The following DPP6 variants were observed in gnomAD, a reference collection of about 807,000 sequenced individuals.
DPP6 encodes A-type potassium channel modulatory protein DPP6.
Under a neutral mutation model 122.6 loss-of-function variants are expected in DPP6, and 69 were observed. The ratio of observed to expected loss-of-function variants is 0.56; its 90% CI spans 0.46 to 0.69. The LOEUF is 0.69. Among genes scored for constraint, DPP6 ranks in the 30% least tolerant of loss-of-function variants. The probability of loss-of-function intolerance (pLI) is 0.00; values close to 1 mark genes in which losing one functional copy is unlikely to be tolerated. For missense variants in DPP6, 928 were observed against 1,116.9 expected, an observed-to-expected ratio of 0.83 and a Z score of 2.41; for synonymous variants, 418 against 433.1, an observed-to-expected ratio of 0.97 and a Z score of 0.43.
chr7:154,144,363 G>C (rs540833915), intron 1 of DPP6, among the ~76,000 whole-genome samples: 1 of 150,428 alleles, frequency 6.6e-6, no homozygotes, highest in Non-Finnish European at 1.5e-5. Context: ...TTTGATTTAT[G>C]GTATTTTGTG....
chr7:153,981,479 G>T (rs944705300), intron 1 of DPP6, among the ~76,000 whole-genome samples: 1 of 152,112 alleles, frequency 6.6e-6, no homozygotes, highest in Admixed American at 6.6e-5. Flanking sequence ...ATACCAGTGG[G>T]TCTTGACTCT....
chr7:153,759,671 T>C, the DPP6 span, among the ~76,000 whole-genome samples: 1 of 151,942 alleles, frequency 6.6e-6, no homozygotes, highest in African/African-American at 2.4e-5. Context: ...TGGATAACCA[T>C]ATGTGAAAAA....
chr7:154,054,570 G>T (rs4725520), intron 1 of DPP6, among the ~76,000 whole-genome samples: 1 of 151,946 alleles, frequency 6.6e-6, no homozygotes, highest in Non-Finnish European at 1.5e-5. Flanking sequence ...GACTCCCCTG[G>T]TTAAATAGTC....
intron 20 of DPP6, among the ~76,000 whole-genome samples, chr7:154,879,231 C>A (rs1173616086): frequency 6.6e-6 from 1 of 151,344 alleles, no homozygotes; most frequent in South Asian, 2.1e-4. Context: ...TCACCGGAGT[C>A]CAGGAGTTCA....
intron 1 of DPP6, among the ~76,000 whole-genome samples, chr7:153,933,591 A>G (rs918722585): frequency 1.8e-4 from 28 of 152,220 alleles, no homozygotes; most frequent in African/African-American, 5.5e-4. Flanking sequence ...AAACAAGACT[A>G]TAAGCCTTTC....
intron 1 of DPP6, among the ~76,000 whole-genome samples, chr7:154,023,397 G>T (rs1443695285): frequency 1.3e-5 from 2 of 148,886 alleles, no homozygotes; most frequent in Admixed American, 1.3e-4. Flanking sequence ...ATAATAAGGG[G>T]CATGTTGCTC....
chr7:154,188,069 C>T (rs186180840), intron 1 of DPP6, among the ~76,000 whole-genome samples: 113 of 152,036 alleles, frequency 7.4e-4, no homozygotes, highest in African/African-American at 2.4e-3. Context: ...CGATGCAGAT[C>T]GTCTTGTGGT....
chr7:154,236,001 C>T lies in DPP6; in HGVS notation c.243+182938C>T, dbSNP rs115937380. 7.7e-3 allele frequency among the ~76,000 whole-genome samples: 1,172 copies of T among 152,078 alleles called. 20 individuals are homozygous for T. The highest frequency in any genetic ancestry group is 0.026 in the African/African-American group (1,091 of 41,470). On this transcript the variant is annotated intron_variant, in intron 1 of 25. Transcript: ENST00000377770. ...CCAGCTATCTGGGATTATGTGCGTG[C>T]GCCACTACTCCCGGCTAATTTTTGT...
At chr7:154,072,927 C>T (rs779374981) in intron 1 of DPP6, among the ~76,000 whole-genome samples, 2 of 152,326 alleles carry the variant, frequency 1.3e-5, no homozygotes, top group East Asian at 1.9e-4. Context: ...CAGAGAGAGC[C>T]GGGGGACCCA....
rs1310803476 is a variant in DPP6 at position 153,931,671 on chromosome 7, G to C, written c.51+43937G>C. Among the ~76,000 whole-genome samples, 3 of 152,224 alleles carry C rather than the reference G, an allele frequency of 2.0e-5. No homozygotes were observed. The East Asian group carries it at 5.8e-4, about 29-fold the overall frequency. ...TGAGCACTTATTTCTGTGATACCCT[G>C]AGTACACAAATTCCTTTTACAAGTG... is the stretch of plus-strand genomic sequence containing the variant. On this transcript the variant is annotated intron_variant, in intron 1 of 25. Transcript: ENST00000404039.
intron 1 of DPP6, among the ~76,000 whole-genome samples, chr7:154,363,616 G>A (rs903394968): frequency 7.9e-5 from 12 of 152,228 alleles, no homozygotes; most frequent in African/African-American, 1.7e-4. Context: ...GCACGTGCGC[G>A]GAAAACCATG....
chr7:154,848,301 G>A (rs980862630), intron 16 of DPP6, among the ~76,000 whole-genome samples: 1 of 151,840 alleles, frequency 6.6e-6, no homozygotes, highest in East Asian at 2.0e-4. Flanking sequence ...AGCATATAAA[G>A]GTTTCCTTTT....
At chr7:154,769,344 T>C in intron 8 of DPP6, 73 bp from the exon 9 acceptor site, 1 of 1,595,280 alleles carries the variant, frequency 6.3e-7, no homozygotes, top group Non-Finnish European at 8.6e-7. Flanking sequence ...GGCCACCTCA[T>C]GTTCCTGCTG....
chr7:154,611,153 T>G (rs1563007817), intron 5 of DPP6, among the ~76,000 whole-genome samples: 1 of 152,206 alleles, frequency 6.6e-6, no homozygotes, highest in Non-Finnish European at 1.5e-5. Context: ...TTACCTCGTG[T>G]CTTCTGACTC....
At chr7:154,646,037 A>AAAAAAAG (rs1554421931) in intron 6 of DPP6, among the ~76,000 whole-genome samples, 1 of 150,198 alleles carries the variant, frequency 6.7e-6, no homozygotes, top group Non-Finnish European at 1.5e-5. Context: ...CAAAAAAAAA[A>AAAAAAAG]AAAAAAAAGA....
At chr7:154,620,925 T>C (rs1029671877) in intron 5 of DPP6, among the ~76,000 whole-genome samples, 5 of 152,248 alleles carry the variant, frequency 3.3e-5, no homozygotes, top group African/African-American at 4.8e-5. Flanking sequence ...AAACTTCAAA[T>C]TAATGCCATT....
At chr7:153,806,358 TG>T in the DPP6 span, among the ~76,000 whole-genome samples, 5 of 151,970 alleles carry the variant, frequency 3.3e-5, no homozygotes, top group African/African-American at 9.7e-5. Context: ...TTTATACTCC[TG>T]TAATTAATGT....
rs367671732 is a variant in DPP6 at position 154,701,625 on chromosome 7, C to T, written c.763-26142C>T. Among the ~76,000 whole-genome samples, 5 of 152,184 alleles carry T rather than the reference C, an allele frequency of 3.3e-5. No individual in the cohort carries two copies. In the East Asian group the frequency reaches 9.6e-4, roughly 29 times the overall value. On this transcript the variant is annotated intron_variant, in intron 7 of 25. Coordinates refer to ENST00000377770, the MANE Select transcript of DPP6 (RefSeq NM_130797.4). Reference sequence around the variant, plus strand: ...CTGACTGCCATATCATTGCTTCACTCACCAGATCATGCATCTTCCCATCAT... The same window carrying T: ...CTGACTGCCATATCATTGCTTCACTTACCAGATCATGCATCTTCCCATCAT...
At chr7:153,824,945 C>T in the DPP6 span, among the ~76,000 whole-genome samples, 1 of 152,102 alleles carries the variant, frequency 6.6e-6, no homozygotes, top group Non-Finnish European at 1.5e-5. Context: ...ACCCCTTTGC[C>T]TTCTCTCAGT....
Sources: gnomAD v4.1 joint callset for allele counts (sites outside exome capture counted in the v4.1 genomes callset) on GRCh38, gnomAD v4.1.1 for gene constraint, MANE v1.5 for transcripts, NCBI Gene and HGNC (gene_info 2026-07-23, HGNC 2026-07-21) for gene names.